MDFIC: variants seen among roughly 807,000 people sequenced by gnomAD.
MDFIC encodes MyoD family inhibitor domain containing.
Under a neutral mutation model 23.2 loss-of-function variants are expected in MDFIC, and 17 were observed. The observed-to-expected ratio is 0.73, with a 90% CI of 0.50 to 1.10. MDFIC has a LOEUF of 1.10. Ranked by LOEUF, MDFIC falls within the 50% of genes least tolerant of loss-of-function variation. The probability of loss-of-function intolerance (pLI) is 0.00; values close to 1 mark genes in which losing one functional copy is unlikely to be tolerated. For synonymous variants in MDFIC, 120 were observed against 115.2 expected (o/e 1.04, Z -0.27); for missense variants, 356 against 316.6 (o/e 1.12, Z -0.95).
Position 114,938,448 on chromosome 7 carries a change from A to T in MDFIC, c.95-3827A>T, listed in dbSNP as rs562758248. Among the ~76,000 whole-genome samples the T allele has an allele frequency of 3.9e-5, 6 of 152,306 alleles. No homozygotes were observed. The East Asian group carries it at 1.2e-3, about 29-fold the overall frequency. ...AATATAAATAGTTGTGTAGTACAAGATAAGAGTTCACTTAGAATAGTGCCC... is the reference window on the plus strand; with the variant it reads ...AATATAAATAGTTGTGTAGTACAAGTTAAGAGTTCACTTAGAATAGTGCCC... On this transcript the variant is annotated intron_variant, in intron 2 of 4. Coordinates refer to ENST00000393486, the MANE Select transcript of MDFIC (RefSeq NM_001166345.3).
intron 2 of MDFIC, among the ~76,000 whole-genome samples, chr7:114,928,604 A>T (rs945483653): frequency 1.3e-5 from 2 of 152,184 alleles, no homozygotes; most frequent in Non-Finnish European, 2.9e-5. Flanking sequence ...TTGGGGCTGT[A>T]TGAAGGGTCG....
At chr7:114,987,116 GAGGAC>G (rs1357102412) in intron 4 of MDFIC, among the ~76,000 whole-genome samples, 1 of 152,154 alleles carries the variant, frequency 6.6e-6, no homozygotes, top group Admixed American at 6.6e-5. Flanking sequence ...CCAGCAGAGG[GAGGAC>G]AGTTACTCAG....
chr7:114,942,457 T>C, intron 3 of MDFIC, 60 bp downstream of exon 3: 2 of 1,286,202 alleles, frequency 1.6e-6, no homozygotes, highest in South Asian at 3.4e-5. Flanking sequence ...TAATATATTC[T>C]TCGTTAATTG....
intron 3 of MDFIC, among the ~76,000 whole-genome samples, chr7:114,956,357 A>G (rs1384143147): frequency 7.5e-6 from 1 of 132,866 alleles, no homozygotes; most frequent in African/African-American, 2.8e-5. Flanking sequence ...ATACACACAC[A>G]CATATATATA....
At position 115,015,669 on chromosome 7, in the gene MDFIC, C is replaced by T; in HGVS notation, c.494-19C>T. 3 of 1,612,518 alleles carry T rather than the reference C, an allele frequency of 1.9e-6. No individual in the cohort carries two copies. Among genetic ancestry groups the T allele is most frequent in the Non-Finnish European group, 2.5e-6 (3 of 1,178,814 alleles). Reference sequence around the variant, plus strand: ...CTCCTTTTTCTCACTATATGGTCTCCTCATCACTGAAAATGAAGATTGTTG... The same window carrying T: ...CTCCTTTTTCTCACTATATGGTCTCTTCATCACTGAAAATGAAGATTGTTG... On this transcript the variant is annotated intron_variant, in intron 4 of 4. Transcript: ENST00000393486.
chr7:114,929,873 G>A (rs1196556000), intron 2 of MDFIC, among the ~76,000 whole-genome samples: 1 of 152,130 alleles, frequency 6.6e-6, no homozygotes, highest in Non-Finnish European at 1.5e-5. Context: ...AAAATTCTGG[G>A]ATGGAATGGG....
chr7:114,980,329 C>A (rs908499252), intron 4 of MDFIC, among the ~76,000 whole-genome samples: 7 of 152,196 alleles, frequency 4.6e-5, no homozygotes, highest in Non-Finnish European at 8.8e-5. Context: ...ACCATCTCCA[C>A]TCCCATCCCA....
At chr7:114,984,204 A>G (rs1228936273) in intron 4 of MDFIC, among the ~76,000 whole-genome samples, 1 of 152,308 alleles carries the variant, frequency 6.6e-6, no homozygotes, top group African/African-American at 2.4e-5. Flanking sequence ...TCTTCTTAGT[A>G]TACATTTGCC....
intron 2 of MDFIC, among the ~76,000 whole-genome samples, chr7:114,929,507 G>A (rs191153299): frequency 5.1e-4 from 78 of 152,294 alleles, no homozygotes; most frequent in Admixed American, 3.1e-3. Context: ...TTTAATGATA[G>A]TTTTCTCGCC....
In MDFIC at chr7:114,922,377, G is replaced by C. The variant is rs1305794799; in HGVS notation, c.-367G>C. 1 of 1,231,484 alleles carries C rather than the reference G, an allele frequency of 8.1e-7. No homozygotes were observed. Among genetic ancestry groups the C allele is most frequent in the African/African-American group, 1.6e-5 (1 of 64,348 alleles). 76.3% of individuals were successfully genotyped at this position (1,231,484 alleles called of 1,614,324 possible). On this transcript the variant is annotated 5_prime_UTR_variant, in exon 1 of 5. Transcript: ENST00000393486. ...GAGAGGGGGAAGGCCCCCTCGCAGG[G>C]GAGCCGGCTGGAGTGAGCTGGCTGG...
intron 3 of MDFIC, among the ~76,000 whole-genome samples, chr7:114,953,064 A>G (rs566886050): frequency 4.1e-4 from 62 of 152,358 alleles, no homozygotes; most frequent in African/African-American, 1.4e-3. Flanking sequence ...TAATCTTACC[A>G]AATGGTTTTG....
chr7:115,002,055 T>G (rs1156633315), intron 4 of MDFIC, among the ~76,000 whole-genome samples: 1 of 152,138 alleles, frequency 6.6e-6, no homozygotes, highest in Non-Finnish European at 1.5e-5. Flanking sequence ...GAGACTTGCT[T>G]GAGCCCAGGA....
intron 2 of MDFIC, among the ~76,000 whole-genome samples, chr7:114,937,959 T>C (rs1199606515): frequency 2.0e-5 from 3 of 152,194 alleles, no homozygotes; most frequent in Non-Finnish European, 4.4e-5. Flanking sequence ...TCAGATTTCA[T>C]ATATATGTAT....
chr7:114,923,727 C>G, intron 2 of MDFIC: 1 of 1,193,480 alleles, frequency 8.4e-7, no homozygotes, highest in South Asian at 2.3e-5. Flanking sequence ...ATAAAATACT[C>G]TTGTGTCTGG....
intron 4 of MDFIC, among the ~76,000 whole-genome samples, chr7:115,011,845 C>T (rs2116136869): frequency 6.6e-6 from 1 of 152,300 alleles, no homozygotes; most frequent in East Asian, 1.9e-4. Flanking sequence ...CACATCCAAT[C>T]TCTCTCTCCT....
chr7:114,994,678 C>A (rs986730543), intron 4 of MDFIC, among the ~76,000 whole-genome samples: 2 of 152,122 alleles, frequency 1.3e-5, no homozygotes, highest in African/African-American at 2.4e-5. Context: ...AACATTGCCC[C>A]CCACTCTCTT....
chr7:114,974,120 G>A (rs1793260675), intron 3 of MDFIC, among the ~76,000 whole-genome samples: 1 of 152,108 alleles, frequency 6.6e-6, no homozygotes, highest in Non-Finnish European at 1.5e-5. Flanking sequence ...TTTGGATCAA[G>A]TTGATGAAAA....
intron 3 of MDFIC, among the ~76,000 whole-genome samples, chr7:114,974,207 G>GT (rs1229084489): frequency 6.6e-6 from 1 of 151,956 alleles, no homozygotes; most frequent in Non-Finnish European, 1.5e-5. Context: ...ATGTAAGATA[G>GT]TTTTTATCAT....
chr7:115,009,473 T>A (rs370675869), intron 4 of MDFIC, among the ~76,000 whole-genome samples: 26 of 152,364 alleles, frequency 1.7e-4, no homozygotes, highest in African/African-American at 6.3e-4. Context: ...TAAACTGCAT[T>A]CCTCATATTC....
Sources: gnomAD v4.1 joint callset for allele counts (sites outside exome capture counted in the v4.1 genomes callset) on GRCh38, gnomAD v4.1.1 for gene constraint, MANE v1.5 for transcripts, NCBI Gene and HGNC (gene_info 2026-07-23, HGNC 2026-07-21) for gene names.